Variants in SLC35F2 observed in about 807,000 individuals in gnomAD.
SLC35F2 encodes the protein queuine/queuosine transporter SLC35F2.
In SLC35F2, 25 loss-of-function variants were observed where a neutral mutation model predicts 38.1. The observed-to-expected ratio is 0.66, with a 90% CI of 0.48 to 0.92. SLC35F2 has a LOEUF of 0.92. Among genes scored for constraint, SLC35F2 ranks in the 40% least tolerant of loss-of-function variants. SLC35F2 has a pLI of 0.00. For missense variants in SLC35F2, 409 were observed against 452.9 expected (o/e 0.90, Z 0.88); for synonymous variants, 173 against 181.7 (o/e 0.95, Z 0.38).
At chr11:107,842,546 G>A (rs918038622) in intron 1 of SLC35F2, among the ~76,000 whole-genome samples, 1 of 151,616 alleles carries the variant, frequency 6.6e-6, no homozygotes, top group South Asian at 2.1e-4. Flanking sequence ...TTTTAATACC[G>A]CCTCACTCTG....
chr11:107,823,367 T>C (rs980278261), intron 1 of SLC35F2, among the ~76,000 whole-genome samples: 1 of 152,188 alleles, frequency 6.6e-6, no homozygotes, highest in African/African-American at 2.4e-5. Flanking sequence ...CTAGGTTGCA[T>C]GTTGTCAGCT....
At chr11:107,803,339 A>G in intron 6 of SLC35F2, 184 bp from the exon 7 acceptor site, 1 of 985,042 alleles carries the variant, frequency 1.0e-6, no homozygotes, top group Non-Finnish European at 1.2e-6. Flanking sequence ...ATAAATAGCA[A>G]GTTGTGATGT....
intron 3 of SLC35F2, chr11:107,810,136 T>A (rs1177785061): frequency 2.0e-6 from 2 of 985,310 alleles, no homozygotes; most frequent in Non-Finnish European, 2.4e-6. Flanking sequence ...CTTGAATCAT[T>A]CCTATCACAG....
intron 1 of SLC35F2, among the ~76,000 whole-genome samples, chr11:107,819,924 G>C (rs1859642144): frequency 6.6e-6 from 1 of 152,122 alleles, no homozygotes; most frequent in South Asian, 2.1e-4. Flanking sequence ...GTCCGTAAAA[G>C]GCAGAAGAGA....
chr11:107,840,934 G>A (rs1359393899), intron 1 of SLC35F2, among the ~76,000 whole-genome samples: 1 of 152,044 alleles, frequency 6.6e-6, no homozygotes, highest in Non-Finnish European at 1.5e-5. Flanking sequence ...AAGCGGAGGC[G>A]GCGAGGAGAT....
intron 1 of SLC35F2, among the ~76,000 whole-genome samples, chr11:107,839,528 T>C (rs1445942522): frequency 6.6e-6 from 1 of 152,216 alleles, no homozygotes; most frequent in African/African-American, 2.4e-5. Flanking sequence ...CAAACCCATA[T>C]GGTTATATGT....
intron 5 of SLC35F2, 160 bp downstream of exon 5, chr11:107,805,199 C>T (rs779329525): frequency 1.3e-4 from 122 of 975,006 alleles, no homozygotes; most frequent in Non-Finnish European, 1.4e-4. Context: ...AGTAGACACT[C>T]AGCAAGTTAT....
At chr11:107,813,526 T>C (rs115730419) in intron 2 of SLC35F2, among the ~76,000 whole-genome samples, 1,884 of 152,242 alleles carry the variant, frequency 0.012, 48 homozygotes, top group African/African-American at 0.043. Context: ...TCAAATGGCA[T>C]AGGAAGCACC....
At position 107,805,059 on chromosome 11, in the gene SLC35F2, A is replaced by G. The variant is rs570655995; in HGVS notation, c.732-289T>C. ...AATAAGCTTAGGAAGTTAATGTGTT[A>G]ATATTTTCTGGAAATAACTAAAAAA... On this transcript the variant is annotated intron_variant, in intron 5 of 7. Transcript: ENST00000525815. 3 of 985,290 alleles carry G rather than the reference A, an allele frequency of 3.0e-6. No homozygotes were observed. The Admixed American group carries it at 1.8e-4, about 61-fold the overall frequency. 61.0% of individuals were successfully genotyped at this position (985,290 alleles called of 1,614,324 possible).
intron 1 of SLC35F2, among the ~76,000 whole-genome samples, chr11:107,830,605 G>GA (rs1249578529): frequency 6.0e-5 from 8 of 132,654 alleles, no homozygotes; most frequent in East Asian, 2.1e-4. Context: ...AAAAAGAAAA[G>GA]AAAAAAAAAG....
chr11:107,843,665 G>C (rs574144395), intron 1 of SLC35F2, among the ~76,000 whole-genome samples: 4 of 151,320 alleles, frequency 2.6e-5, no homozygotes, highest in African/African-American at 9.7e-5. Context: ...GATCAGCCTG[G>C]GCAAAATAGC....
chr11:107,821,736 T>A, intron 1 of SLC35F2: 1 of 561,426 alleles, frequency 1.8e-6, no homozygotes, highest in Non-Finnish European at 2.3e-6. Flanking sequence ...GAACCTCCAC[T>A]AAAATGAACT....
At chr11:107,824,019 T>G in intron 1 of SLC35F2, 2 of 984,680 alleles carry the variant, frequency 2.0e-6, no homozygotes, top group Non-Finnish European at 2.4e-6. Flanking sequence ...CTGTTTTCTT[T>G]CCATCTCCAT....
At chr11:107,857,642 G>C (rs1376677354) in intron 1 of SLC35F2, among the ~76,000 whole-genome samples, 2 of 152,056 alleles carry the variant, frequency 1.3e-5, no homozygotes, top group Non-Finnish European at 2.9e-5. Context: ...AAATGGTATG[G>C]CTTTTCAGGA....
At chr11:107,808,928 A>C (rs1012206066) in intron 3 of SLC35F2, among the ~76,000 whole-genome samples, 2 of 152,202 alleles carry the variant, frequency 1.3e-5, no homozygotes, top group African/African-American at 4.8e-5. Context: ...TCTTAAAATC[A>C]AACTTAAATT....
intron 2 of SLC35F2, among the ~76,000 whole-genome samples, chr11:107,812,746 G>T (rs1057268204): frequency 2.0e-5 from 3 of 152,070 alleles, no homozygotes; most frequent in East Asian, 3.9e-4. Context: ...TTCTGGATAT[G>T]AGCTTGTATG....
chr11:107,816,966 G>T (rs1243683559), intron 1 of SLC35F2, among the ~76,000 whole-genome samples: 1 of 152,102 alleles, frequency 6.6e-6, no homozygotes, highest in Non-Finnish European at 1.5e-5. Context: ...GAAATACTGT[G>T]GGAAACAGCA....
At chr11:107,853,734 A>AGAT (rs1860229867) in intron 1 of SLC35F2, among the ~76,000 whole-genome samples, 2 of 149,790 alleles carry the variant, frequency 1.3e-5, no homozygotes, top group African/African-American at 4.9e-5. Flanking sequence ...AAAAAAAAAA[A>AGAT]AAAAAAAGAA....
intron 1 of SLC35F2, among the ~76,000 whole-genome samples, chr11:107,822,442 G>C (rs1859687626): frequency 6.6e-6 from 1 of 152,042 alleles, no homozygotes; most frequent in Admixed American, 6.6e-5. Flanking sequence ...AAGTTCAATG[G>C]TTGTTAATAT....
Sources: allele counts gnomAD v4.1 joint callset (sites outside exome capture counted in the v4.1 genomes callset), GRCh38; gene constraint gnomAD v4.1.1; transcripts MANE v1.5; gene names NCBI Gene and HGNC (gene_info 2026-07-23, HGNC 2026-07-21).